Variants in HIVEP3 observed in about 807,000 individuals in gnomAD.
HIVEP3 encodes the protein transcription factor HIVEP3.
A neutral mutation model predicts 152.8 loss-of-function variants in HIVEP3; 49 were observed. The observed-to-expected ratio is 0.32, with a 90% CI of 0.26 to 0.41. The LOEUF is 0.41. HIVEP3 is among the 10% of genes least tolerant of loss of function. The pLI is 1.00. For synonymous variants in HIVEP3, 1,269 were observed against 1,289.0 expected (o/e 0.98, Z 0.33); for missense variants, 2,790 against 3,103.3 (o/e 0.90, Z 2.40).
intron 1 of HIVEP3, among the ~76,000 whole-genome samples, chr1:41,715,208 C>A (rs1004502157): frequency 3.9e-5 from 6 of 152,228 alleles, no homozygotes; most frequent in African/African-American, 1.4e-4. Context: ...TTTCAGCCAG[C>A]CTGGCAGACT....
chr1:41,733,502 C>T (rs1365925006), intron 1 of HIVEP3, among the ~76,000 whole-genome samples: 2 of 152,234 alleles, frequency 1.3e-5, no homozygotes, highest in Admixed American at 6.5e-5. Context: ...AACTGAGGCC[C>T]GGCCAGGAGC....
chr1:41,632,147 A>G (rs1027302456), intron 2 of HIVEP3, among the ~76,000 whole-genome samples: 3 of 152,188 alleles, frequency 2.0e-5, no homozygotes, highest in African/African-American at 7.2e-5. Flanking sequence ...TAGATTGCAT[A>G]CAACTCAGGC....
intron 3 of HIVEP3, among the ~76,000 whole-genome samples, chr1:41,594,385 G>C (rs557592449): frequency 4.6e-5 from 7 of 152,160 alleles, no homozygotes; most frequent in African/African-American, 1.7e-4. Context: ...ACCACACCCA[G>C]ATAATTTTCG....
intron 1 of HIVEP3, among the ~76,000 whole-genome samples, chr1:41,766,434 A>T (rs1317849399): frequency 6.6e-6 from 1 of 152,194 alleles, no homozygotes; most frequent in African/African-American, 2.4e-5. Context: ...ATTAAACATA[A>T]CAATACCTGC....
chr1:41,685,588 G>A (rs970843877), intron 2 of HIVEP3, among the ~76,000 whole-genome samples: 4 of 152,132 alleles, frequency 2.6e-5, no homozygotes, highest in African/African-American at 4.8e-5. Flanking sequence ...AACTCCCCAC[G>A]GGAAGAGATC....
chr1:41,640,370 C>T (rs1047515000), intron 2 of HIVEP3, among the ~76,000 whole-genome samples: 10 of 152,030 alleles, frequency 6.6e-5, no homozygotes, highest in Admixed American at 6.5e-4. Flanking sequence ...ACAGAAAGCC[C>T]CCTGGAACTA....
At chr1:41,536,144 G>A (rs893984256) in intron 5 of HIVEP3, among the ~76,000 whole-genome samples, 4 of 152,010 alleles carry the variant, frequency 2.6e-5, no homozygotes, top group African/African-American at 9.7e-5. Flanking sequence ...TGTTGTTCCC[G>A]GACTCTGAAT....
chr1:41,856,638 T>G lies in HIVEP3; in HGVS notation c.-801+61775A>C, dbSNP rs1423431542. Among the ~76,000 whole-genome samples, 4 of 152,148 alleles carry G rather than the reference T, an allele frequency of 2.6e-5. No homozygotes were observed. In the East Asian group the frequency reaches 7.7e-4, roughly 29 times the overall value. ...ACTCCCTCCAAGCACACCTTATGCC[T>G]CATGTTACAGATGTCTTGAGGGAGG... On this transcript the variant is annotated intron_variant, in intron 1 of 8. Transcript: ENST00000372583.
At position 41,886,625 on chromosome 1, in the gene HIVEP3, T is replaced by C. The variant is rs534672135; in HGVS notation, c.-801+31788A>G. Among the ~76,000 whole-genome samples, 10 of 147,326 alleles carry C rather than the reference T, an allele frequency of 6.8e-5. 1 individual carries two copies. Among genetic ancestry groups the C allele is most frequent in the South Asian group, 4.3e-4 (2 of 4,624 alleles). ...TACTCGAGAGGCTGAAGCAGGAGAATTGCTTGAACCTGGGAGGCGGAGGTT... is the reference window on the plus strand; with the variant it reads ...TACTCGAGAGGCTGAAGCAGGAGAACTGCTTGAACCTGGGAGGCGGAGGTT... On this transcript the variant is annotated intron_variant, in intron 1 of 8. Transcript: ENST00000372583.
chr1:42,007,795 T>C (rs1645468457), intron 1 of HIVEP3, among the ~76,000 whole-genome samples: 1 of 144,414 alleles, frequency 6.9e-6, no homozygotes, highest in African/African-American at 2.6e-5. Context: ...AAAATGGTTA[T>C]CGCAAAAGTA....
chr1:41,674,694 A>G (rs968649311), intron 2 of HIVEP3, among the ~76,000 whole-genome samples: 20 of 152,184 alleles, frequency 1.3e-4, no homozygotes, highest in Admixed American at 1.1e-3. Context: ...ACCAGGATGG[A>G]ATCCTCACGC....
At chr1:41,912,866 G>A (rs574299774) in intron 1 of HIVEP3, among the ~76,000 whole-genome samples, 1 of 152,300 alleles carries the variant, frequency 6.6e-6, no homozygotes, top group South Asian at 2.1e-4. Context: ...GAGTTTGAGG[G>A]GCTGCACACA....
At chr1:42,021,375 C>T (rs1645552727) in intron 1 of HIVEP3, among the ~76,000 whole-genome samples, 1 of 152,048 alleles carries the variant, frequency 6.6e-6, no homozygotes, top group African/African-American at 2.4e-5. Flanking sequence ...AAAGAAAAGA[C>T]TCAAGGGTAA....
chr1:41,852,646 T>G (rs532760168), intron 1 of HIVEP3, among the ~76,000 whole-genome samples: 2 of 152,322 alleles, frequency 1.3e-5, no homozygotes, highest in East Asian at 3.9e-4. Flanking sequence ...TTTCTCAGTC[T>G]TCATGGGCTG....
At chr1:41,627,823 C>A (rs1645139208) in intron 3 of HIVEP3, among the ~76,000 whole-genome samples, 2 of 152,154 alleles carry the variant, frequency 1.3e-5, no homozygotes, top group Non-Finnish European at 2.9e-5. Context: ...GGTCCCCAAC[C>A]CCCAAGAGTC....
chr1:41,975,931 C>T (rs1181743911), intron 1 of HIVEP3, among the ~76,000 whole-genome samples: 1 of 152,190 alleles, frequency 6.6e-6, no homozygotes, highest in Non-Finnish European at 1.5e-5. Context: ...CTACTGTTGG[C>T]TCACGAGTAG....
intron 1 of HIVEP3, among the ~76,000 whole-genome samples, chr1:41,731,534 G>A (rs1156286329): frequency 1.3e-5 from 2 of 152,204 alleles, no homozygotes; most frequent in African/African-American, 4.8e-5. Context: ...GGGAATGACA[G>A]GCATGACTTC....
chr1:42,022,369 C>T (rs1645559541), intron 1 of HIVEP3, among the ~76,000 whole-genome samples: 1 of 152,156 alleles, frequency 6.6e-6, no homozygotes, highest in South Asian at 2.1e-4. Flanking sequence ...ATGCTCTCTT[C>T]CTGCCCATAA....
chr1:41,741,761 G>A (rs566131596), intron 1 of HIVEP3, among the ~76,000 whole-genome samples: 12 of 152,346 alleles, frequency 7.9e-5, no homozygotes, highest in Non-Finnish European at 1.6e-4. Context: ...ACCACTGATT[G>A]TGTGACCTTG....
Sources: gnomAD v4.1 joint callset for allele counts (sites outside exome capture counted in the v4.1 genomes callset) on GRCh38, gnomAD v4.1.1 for gene constraint, MANE v1.5 for transcripts, NCBI Gene and HGNC (gene_info 2026-07-23, HGNC 2026-07-21) for gene names.